The following KDM4B variants were observed in gnomAD, a reference collection of about 807,000 sequenced individuals.
The protein encoded by KDM4B is lysine demethylase 4B, also known as lysine-specific demethylase 4B.
KDM4B carries 32 observed loss-of-function variants against 125.2 expected under a neutral mutation model. The ratio of observed to expected loss-of-function variants is 0.26; its 90% CI spans 0.19 to 0.34. The LOEUF (loss-of-function observed/expected upper bound fraction) is 0.34, where lower values mean the gene tolerates loss of function less well. KDM4B is among the 10% of genes least tolerant of loss of function. The pLI is 1.00. For missense variants in KDM4B, 1,190 were observed against 1,577.7 expected (o/e 0.75, Z 4.16); for synonymous variants, 721 against 677.9 (o/e 1.06, Z -0.99).
rs1445209148 is a variant in KDM4B at position 5,114,723 on chromosome 19, C to T, written c.1115+3905C>T. On this transcript the variant is annotated intron_variant, in intron 10 of 22. Transcript: ENST00000159111. The surrounding 1 kb of genome is among the most constrained non-coding windows in gnomAD (Gnocchi z 5.8). ...AGCCTGGGGCCAGCCTCCCAGTCCT[C>T]CCCACCTTGTGAGAAGCCCTGAGCC... Among the ~76,000 whole-genome samples the T allele has an allele frequency of 6.6e-6, 1 of 152,238 alleles. No homozygotes were observed.
rs530992060 is a variant in KDM4B at position 5,152,859 on chromosome 19, T to TA, written c.*1349dup. The TA allele has an allele frequency of 4.1e-4, 62 of 152,252 alleles. No individual in the cohort carries two copies. Among genetic ancestry groups the TA allele is most frequent in the African/African-American group, 1.3e-3 (55 of 41,528 alleles). 9.4% of individuals were successfully genotyped at this position (152,252 alleles called of 1,614,324 possible). A position where few individuals can be genotyped will look rare whatever the true frequency, so the allele number is the denominator to read the frequency against. On this transcript the variant is annotated 3_prime_UTR_variant, in exon 23 of 23. Transcript: ENST00000159111. ...GCAGGAGTTTGGGACCAGCCTGGGCTATATAGCAAGACCCCATCACTACAA... is the reference window on the plus strand; with the variant it reads ...GCAGGAGTTTGGGACCAGCCTGGGCTAATATAGCAAGACCCCATCACTACAA...
intron 5 of KDM4B, among the ~76,000 whole-genome samples, chr19:5,042,836 G>A (rs986374345): frequency 1.1e-4 from 17 of 151,566 alleles, no homozygotes; most frequent in Admixed American, 7.3e-4. Flanking sequence ...GCCGACACCG[G>A]GACCTGCAGT....
At chr19:5,006,252 G>A (rs889289162) in intron 1 of KDM4B, among the ~76,000 whole-genome samples, 3 of 152,050 alleles carry the variant, frequency 2.0e-5, no homozygotes, top group African/African-American at 7.2e-5. Context: ...TCTGGGTAGT[G>A]TGCACCCCAT....
chr19:5,137,470 G>A, intron 16 of KDM4B, 132 bp downstream of exon 16: 2 of 1,190,328 alleles, frequency 1.7e-6, no homozygotes, highest in South Asian at 2.7e-5. Flanking sequence ...TGAGGGGGTG[G>A]AACCCAAGGG....
In KDM4B at chr19:5,144,412, G is replaced by A. The variant is rs561437293; in HGVS notation, c.2901G>A (p.Thr967=). ...YSDNLYPESI[T]SRDCVQLGPP... The stretch of plus-strand genomic sequence containing the variant: ...ACAACCTGTACCCTGAGAGCATCAC[G>A]GTGAGCTGTGGGGTGGGGCAGGGGG... The change falls in exon 20 of 23, where the codon ACG becomes ACA. Residue 967 remains threonine, a splice_region_variant and synonymous_variant. Transcript: ENST00000159111. 48 of 1,558,944 alleles carry A rather than the reference G, an allele frequency of 3.1e-5. No individual in the cohort carries two copies. The highest frequency in any genetic ancestry group is 1.8e-4 in the Middle Eastern group (1 of 5,478).
intron 5 of KDM4B, among the ~76,000 whole-genome samples, chr19:5,041,726 C>T (rs1568250366): frequency 6.6e-6 from 1 of 152,240 alleles, no homozygotes; most frequent in Non-Finnish European, 1.5e-5. Context: ...GTCCACACAG[C>T]CTGGGCTCTC....
intron 15 of KDM4B, among the ~76,000 whole-genome samples, chr19:5,136,354 G>A (rs373718043): frequency 6.6e-6 from 1 of 152,218 alleles, no homozygotes; most frequent in Non-Finnish European, 1.5e-5. Flanking sequence ...CGCACGGGGG[G>A]GCGGTGGCAG....
intron 14 of KDM4B, 119 bp from the exon 15 acceptor site, chr19:5,135,220 C>T: frequency 3.0e-6 from 2 of 659,260 alleles, no homozygotes; most frequent in Non-Finnish European, 5.2e-6. Flanking sequence ...TCCCCGACCT[C>T]CCCCTCCAGA....
intron 9 of KDM4B, among the ~76,000 whole-genome samples, chr19:5,089,019 G>A (rs1469388888): frequency 6.6e-6 from 1 of 151,924 alleles, no homozygotes; most frequent in Non-Finnish European, 1.5e-5. Context: ...GTGCTCAGAG[G>A]CAGGAAGGGA....
intron 10 of KDM4B, among the ~76,000 whole-genome samples, chr19:5,116,103 C>T (rs930897706): frequency 6.6e-6 from 1 of 151,888 alleles, no homozygotes; most frequent in African/African-American, 2.4e-5. Context: ...ATCACATAAA[C>T]AGCTCACCAG....
chr19:5,033,163 C>T, intron 3 of KDM4B, 132 bp downstream of exon 3: 1 of 1,059,470 alleles, frequency 9.4e-7, no homozygotes, highest in South Asian at 1.5e-5. Flanking sequence ...GGGCCACTCC[C>T]AGCTCGTTTA....
chr19:5,145,049 A>T, intron 21 of KDM4B, 147 bp downstream of exon 21: 1 of 1,031,320 alleles, frequency 9.7e-7, no homozygotes. Context: ...CGCAGGACCC[A>T]GCTGAGCCTT....
At chr19:5,136,575 G>T (rs921822961) in intron 15 of KDM4B, among the ~76,000 whole-genome samples, 3 of 152,116 alleles carry the variant, frequency 2.0e-5, no homozygotes, top group African/African-American at 7.2e-5. Flanking sequence ...GGGAAGGGTT[G>T]CCGAGGGTCC....
chr19:5,123,697 A>G (rs1254576092), intron 11 of KDM4B, among the ~76,000 whole-genome samples: 2 of 152,216 alleles, frequency 1.3e-5, no homozygotes, highest in Admixed American at 6.5e-5. Context: ...GGGTTTGGGA[A>G]ATCCTCAGAA....
At chr19:5,050,831 C>T (rs1480553427) in intron 6 of KDM4B, among the ~76,000 whole-genome samples, 2 of 152,134 alleles carry the variant, frequency 1.3e-5, no homozygotes, top group African/African-American at 4.8e-5. Flanking sequence ...ACCCAGGAGG[C>T]GGAGCTTGCA....
At position 5,082,085 on chromosome 19, in the gene KDM4B, C is replaced by T. The variant is rs535385141; in HGVS notation, c.781-282C>T. 3.3e-5 allele frequency among the ~76,000 whole-genome samples: 5 copies of T among 152,320 alleles called. No homozygotes were observed. Among genetic ancestry groups the T allele is most frequent in the East Asian group, 1.9e-4 (1 of 5,176 alleles). ...CTCCCACTGGGGTGATGCTGACGGCCGCCTTGGGGCAGGGCAGGGGCTGCT... is the reference window on the plus strand; with the variant it reads ...CTCCCACTGGGGTGATGCTGACGGCTGCCTTGGGGCAGGGCAGGGGCTGCT... On this transcript the variant is annotated intron_variant, in intron 8 of 22. Coordinates refer to ENST00000159111, the MANE Select transcript of KDM4B (RefSeq NM_015015.3). The surrounding 1 kb of genome is among the most constrained non-coding windows in gnomAD (Gnocchi z 5.4).
chr19:5,070,339 C>A (rs1453664074), intron 6 of KDM4B, among the ~76,000 whole-genome samples: 1 of 152,242 alleles, frequency 6.6e-6, no homozygotes, highest in Non-Finnish European at 1.5e-5. Flanking sequence ...CATCGCAGGT[C>A]TCCAGCTTCT....
intron 9 of KDM4B, among the ~76,000 whole-genome samples, chr19:5,089,700 T>TA (rs35181412): frequency 0.082 from 11,795 of 143,518 alleles, 1,338 homozygotes; most frequent in African/African-American, 0.26. Context: ...TTTTTTGTAC[T>TA]AAAAAAAAAA....
intron 2 of KDM4B, among the ~76,000 whole-genome samples, chr19:5,027,365 G>C (rs1023549423): frequency 1.3e-5 from 2 of 152,090 alleles, no homozygotes; most frequent in African/African-American, 4.8e-5. Flanking sequence ...GCCTCCCCGC[G>C]TGTCCCCAAG....
Sources: allele counts gnomAD v4.1 joint callset (sites outside exome capture counted in the v4.1 genomes callset), GRCh38; gene constraint gnomAD v4.1.1; non-coding constraint Gnocchi (gnomAD v3.1); transcripts MANE v1.5; gene names NCBI Gene and HGNC (gene_info 2026-07-23, HGNC 2026-07-21).